GSE1: variants seen among roughly 807,000 people sequenced by gnomAD.
The protein encoded by GSE1 is Gse1 coiled-coil protein.
In GSE1, 32 loss-of-function variants were observed where a neutral mutation model predicts 112.6. The observed-to-expected ratio is 0.28, with a 90% confidence interval of 0.21 to 0.38. GSE1 has a LOEUF of 0.38. GSE1 is among the 10% of genes least tolerant of loss of function. The pLI is 1.00. For synonymous variants in GSE1, 1,115 were observed against 735.6 expected (o/e 1.52, Z -8.35); for missense variants, 2,348 against 1,699.2 (o/e 1.38, Z -6.71).
intron 1 of GSE1, among the ~76,000 whole-genome samples, chr16:85,245,143 T>C (rs1424157114): frequency 6.6e-6 from 1 of 151,992 alleles, no homozygotes; most frequent in Non-Finnish European, 1.5e-5. Context: ...GCCTGGGTGA[T>C]AGAGTGAGAC....
At chr16:85,454,612 C>T (rs192144232) in intron 2 of GSE1, among the ~76,000 whole-genome samples, 47 of 152,384 alleles carry the variant, frequency 3.1e-4, no homozygotes, top group Admixed American at 1.6e-3. Context: ...GTTCTGGAGA[C>T]GTCCAAAGTC....
At chr16:85,587,916 C>T (rs7500013) in intron 1 of GSE1, among the ~76,000 whole-genome samples, 1 of 152,186 alleles carries the variant, frequency 6.6e-6, no homozygotes, top group Non-Finnish European at 1.5e-5. Context: ...CACCACCTTG[C>T]TTCAGCCCCT....
intron 1 of GSE1, among the ~76,000 whole-genome samples, chr16:85,632,284 G>T (rs930856113): frequency 6.6e-6 from 1 of 152,220 alleles, no homozygotes; most frequent in African/African-American, 2.4e-5. Context: ...TTGTTCCCAA[G>T]GTGTGAGCTC....
intron 2 of GSE1, among the ~76,000 whole-genome samples, chr16:85,382,107 G>A (rs987478542): frequency 2.0e-5 from 3 of 152,208 alleles, no homozygotes; most frequent in Admixed American, 6.5e-5. Context: ...TCAATCTTGC[G>A]GCCCTGGGCT....
rs115317804 is a variant in GSE1 at position 85,502,856 on chromosome 16, A to T, written c.2465-131058A>T. Among the ~76,000 whole-genome samples the T allele has an allele frequency of 6.9e-3, 1,047 of 152,372 alleles. 7 individuals carry two copies. Among genetic ancestry groups the T allele is most frequent in the African/African-American group, 0.024 (1,009 of 41,586 alleles). On this transcript the variant is annotated intron_variant, in intron 2 of 2. Coordinates refer to the GSE1 transcript ENST00000637419. ...GAGAGCAGCAGTGGCCCTGGGGACC[A>T]GGAGCAAGCAGGGGGGTGAAAAAGA...
chr16:85,360,368 G>A (rs552608889), intron 2 of GSE1, among the ~76,000 whole-genome samples: 4 of 152,288 alleles, frequency 2.6e-5, no homozygotes, highest in East Asian at 1.9e-4. Context: ...CCCTGCGGCC[G>A]GGTGGGGGCA....
intron 2 of GSE1, among the ~76,000 whole-genome samples, chr16:85,404,136 TG>T (rs2048190630): frequency 5.2e-5 from 4 of 77,610 alleles, no homozygotes; most frequent in Non-Finnish European, 1.1e-4. Flanking sequence ...AGGGCCCCCC[TG>T]GATAATCCAC....
At chr16:85,496,134 C>T (rs775227565) in intron 2 of GSE1, among the ~76,000 whole-genome samples, 3 of 152,186 alleles carry the variant, frequency 2.0e-5, no homozygotes, top group Non-Finnish European at 2.9e-5. Context: ...TTCATTTCCC[C>T]AGGGCCCGAG....
At chr16:85,548,780 G>A (rs928287597) in intron 2 of GSE1, among the ~76,000 whole-genome samples, 6 of 152,252 alleles carry the variant, frequency 3.9e-5, no homozygotes, top group South Asian at 2.1e-4. Context: ...CATCCAGGAT[G>A]ATCTGGTCTG....
At chr16:85,617,110 T>C (rs2048419255) in intron 1 of GSE1, among the ~76,000 whole-genome samples, 1 of 152,216 alleles carries the variant, frequency 6.6e-6, no homozygotes, top group African/African-American at 2.4e-5. Flanking sequence ...CCCGTCTGCC[T>C]GGGATTCTCC....
chr16:85,219,789 C>T (rs765224892), intron 1 of GSE1, among the ~76,000 whole-genome samples: 14 of 152,238 alleles, frequency 9.2e-5, no homozygotes, highest in Non-Finnish European at 1.3e-4. Context: ...TATGGGACCA[C>T]CAGCTTTGCT....
intron 2 of GSE1, among the ~76,000 whole-genome samples, chr16:85,473,186 G>A (rs1441980851): frequency 6.6e-6 from 1 of 152,264 alleles, no homozygotes; most frequent in Non-Finnish European, 1.5e-5. Context: ...TGCACCATTT[G>A]CTGTCCTGTG....
intron 1 of GSE1, among the ~76,000 whole-genome samples, chr16:85,314,345 G>C (rs1345425289): frequency 6.6e-6 from 1 of 152,140 alleles, no homozygotes; most frequent in Non-Finnish European, 1.5e-5. Flanking sequence ...GTCTGCGCTG[G>C]GTGCCTGTTT....
intron 1 of GSE1, among the ~76,000 whole-genome samples, chr16:85,339,657 G>A (rs2046583013): frequency 6.8e-6 from 1 of 147,416 alleles, no homozygotes. Context: ...GCAGGGTGGG[G>A]GTGGGGGCGG....
upstream of GSE1, among the ~76,000 whole-genome samples, chr16:85,551,352 T>C (rs892674229): frequency 1.3e-5 from 2 of 152,128 alleles, no homozygotes; most frequent in African/African-American, 2.4e-5. Flanking sequence ...CCTAGACTGG[T>C]GGCCCCTGTC....
intron 5 of GSE1, 34 bp from the exon 6 acceptor site, chr16:85,655,692 A>C (rs769427829): frequency 1.3e-6 from 2 of 1,486,314 alleles, no homozygotes; most frequent in East Asian, 4.6e-5. Flanking sequence ...CCCTTGGTTC[A>C]TTTGCTGCTC....
At chr16:85,551,986 C>G (rs2044935903), upstream of GSE1, among the ~76,000 whole-genome samples, 1 of 152,226 alleles carries the variant, frequency 6.6e-6, no homozygotes, top group Non-Finnish European at 1.5e-5. Flanking sequence ...GGGAGCTCTC[C>G]AAGCCCCTGC....
At position 85,200,157 on chromosome 16, in the gene GSE1, A is replaced by G. The variant is rs568706334; in HGVS notation, c.2283+28350A>G. Among the ~76,000 whole-genome samples the G allele has an allele frequency of 6.7e-4, 102 of 152,206 alleles. 5 individuals are homozygous for G. The South Asian group carries it at 0.016, about 24-fold the overall frequency. The stretch of plus-strand genomic sequence containing the variant: ...CTTGTCACTCTTTCCTCCCACCTTC[A>G]AATATGCTCGGATCCCATTTTTATC... On this transcript the variant is annotated intron_variant, in intron 1 of 2. Coordinates refer to the GSE1 transcript ENST00000637419.
At chr16:85,198,070 G>A (rs546422564) in intron 1 of GSE1, among the ~76,000 whole-genome samples, 23 of 152,264 alleles carry the variant, frequency 1.5e-4, no homozygotes, top group Admixed American at 3.9e-4. Context: ...TGGCCAGGAC[G>A]TGCAGGTGTG....
Sources: gnomAD v4.1 joint callset for allele counts (sites outside exome capture counted in the v4.1 genomes callset) on GRCh38, gnomAD v4.1.1 for gene constraint, MANE v1.5 for transcripts, NCBI Gene and HGNC (gene_info 2026-07-23, HGNC 2026-07-21) for gene names.